TARS3: variants seen among roughly 807,000 people sequenced by gnomAD.
The protein encoded by TARS3 is threonine--tRNA ligase 2, cytoplasmic.
A neutral mutation model predicts 103.5 loss-of-function variants in TARS3; 94 were observed. That is an observed-to-expected ratio of 0.91 (90% confidence interval 0.77 to 1.08). TARS3 has a LOEUF of 1.08. Ranked by LOEUF, TARS3 falls within the 50% of genes least tolerant of loss-of-function variation. TARS3 has a pLI of 0.00. For synonymous variants in TARS3, 416 were observed against 355.4 expected (o/e 1.17, Z -1.92); for missense variants, 952 against 995.2 (o/e 0.96, Z 0.58).
At chr15:101,696,408 C>A (rs1898984096) in intron 10 of TARS3, among the ~76,000 whole-genome samples, 1 of 151,870 alleles carries the variant, frequency 6.6e-6, no homozygotes. Context: ...AATCAATAAC[C>A]CTGGCATGAG....
intron 8 of TARS3, among the ~76,000 whole-genome samples, chr15:101,703,201 G>A (rs1325983606): frequency 6.6e-6 from 1 of 152,156 alleles, no homozygotes; most frequent in African/African-American, 2.4e-5. Context: ...TTTTCTTTAT[G>A]CCGCAATACA....
At chr15:101,715,625 A>G (rs978700728) in intron 3 of TARS3, among the ~76,000 whole-genome samples, 9 of 152,220 alleles carry the variant, frequency 5.9e-5, no homozygotes, top group African/African-American at 2.2e-4. Flanking sequence ...AGCTGCCGAC[A>G]TAATTGTATA....
Position 101,675,465 on chromosome 15 carries a change from C to A in TARS3, c.1788+135G>T, listed in dbSNP as rs181619804. 8.3e-4 allele frequency: 639 copies of A among 773,040 alleles called. 2 individuals carry two copies. In the African/African-American group the frequency reaches 9.8e-3, roughly 12 times the overall value. 47.9% of individuals were successfully genotyped at this position (773,040 alleles called of 1,614,324 possible). ...ATAATGGGATAACCACATTCTACAA[C>A]CTATATATCTATCTCATAATTTCCA... is the stretch of plus-strand genomic sequence containing the variant. On this transcript the variant is annotated intron_variant, in intron 13 of 18. Coordinates refer to ENST00000335968, the MANE Select transcript of TARS3 (RefSeq NM_152334.3).
Position 101,711,831 on chromosome 15 carries a change from C to T in TARS3, c.812+49G>A, listed in dbSNP as rs750101056. On this transcript the variant is annotated intron_variant, in intron 5 of 18. Coordinates refer to ENST00000335968, the MANE Select transcript of TARS3 (RefSeq NM_152334.3). Reference sequence around the variant, plus strand: ...AGGCTAGTATGTAACCATTACAGAACAATACAATTGAAACACATGCATTCA... The same window carrying T: ...AGGCTAGTATGTAACCATTACAGAATAATACAATTGAAACACATGCATTCA... 7 of 1,598,336 alleles carry T rather than the reference C, an allele frequency of 4.4e-6. No individual in the cohort carries two copies. In the Admixed American group the frequency reaches 6.8e-5, roughly 15 times the overall value.
At chr15:101,690,889 A>G (rs1898685720) in intron 10 of TARS3, among the ~76,000 whole-genome samples, 1 of 152,130 alleles carries the variant, frequency 6.6e-6, no homozygotes, top group African/African-American at 2.4e-5. Context: ...CTCTAAGTAT[A>G]TGATAACTGT....
chr15:101,718,515 G>T (rs113595068), intron 3 of TARS3, among the ~76,000 whole-genome samples: 2,263 of 152,260 alleles, frequency 0.015, 47 homozygotes, highest in African/African-American at 0.052. Flanking sequence ...GTTCAGAAAC[G>T]TGGAGCTATG....
At chr15:101,669,085 C>T (rs1230461423) in intron 15 of TARS3, among the ~76,000 whole-genome samples, 2 of 152,112 alleles carry the variant, frequency 1.3e-5, no homozygotes, top group Non-Finnish European at 2.9e-5. Flanking sequence ...CAGCTCCATG[C>T]GTGTACTGCC....
chr15:101,684,080 C>T lies in TARS3; in HGVS notation c.1645G>A (p.Glu549Lys). 3.1e-6 allele frequency: 5 copies of T among 1,612,838 alleles called. No homozygotes were observed. The highest frequency in any genetic ancestry group is 4.2e-6 in the Non-Finnish European group (5 of 1,179,358). Reference protein sequence around the residue: ...QDDAHIFCTVEQIEEEIKGCL... With the variant: ...QDDAHIFCTVKQIEEEIKGCL... ...CACTCTGTGTTATTGTTTACCTGCT[C>T]CACTGTGCAAAAAATGTGAGCATCG... Residue 549 changes from glutamate to lysine, a missense_variant, in exon 12 of 19, where the codon GAG (glutamate) becomes AAG (lysine). By Grantham distance (56) the Glu-to-Lys change is moderately conservative. Around this residue, in one of 2 missense-constraint regions of TARS3, gnomAD observed 540 missense variants for 631.0 expected, o/e 0.86. Transcript: ENST00000335968.
intron 18 of TARS3, among the ~76,000 whole-genome samples, chr15:101,656,283 C>T (rs1353110254): frequency 9.9e-5 from 15 of 152,232 alleles, no homozygotes; most frequent in Admixed American, 9.2e-4. Context: ...ACTCTGGTGT[C>T]AAACATTATC....
At chr15:101,696,468 C>G (rs11247316) in intron 10 of TARS3, among the ~76,000 whole-genome samples, 148,922 of 152,156 alleles carry the variant, frequency 0.98, 72,963 homozygotes, top group Middle Eastern at 1. Context: ...GAACCACCCA[C>G]AGGAGCCTAA....
At chr15:101,661,857 T>G in intron 15 of TARS3, 41 bp from the exon 16 acceptor site, 1 of 1,236,136 alleles carries the variant, frequency 8.1e-7, no homozygotes, top group African/African-American at 1.5e-5. Flanking sequence ...TTTCCTAAGA[T>G]TCAATAACTA....
chr15:101,685,993 C>G lies in TARS3; in HGVS notation c.1390G>C (p.Ala464Pro), dbSNP rs776756278. The change falls in exon 11 of 19, where the codon GCC becomes CCC. Residue 464 changes from alanine (A) to proline (P), a missense_variant. By Grantham distance (27) the Ala-to-Pro change is conservative. This residue lies in a region of TARS3 where 540 missense variants were observed against 631.0 expected (regional missense o/e 0.86). Transcript: ENST00000335968. ...CTGTAATGCTGCCAGTGGCCTGAGG[C>G]TTCCCAGAGTTTACTGTTGTACATA... ...PNMYNSKLWE[A>P]SGHWQHYSEN... 12 of 1,614,062 alleles carry G rather than the reference C, an allele frequency of 7.4e-6. No homozygotes were observed. The East Asian group carries it at 2.7e-4, about 36-fold the overall frequency.
intron 15 of TARS3, among the ~76,000 whole-genome samples, chr15:101,668,185 T>C (rs1408203629): frequency 1.3e-5 from 2 of 152,214 alleles, no homozygotes; most frequent in Admixed American, 1.3e-4. Context: ...ATCTGGGCTT[T>C]CAACAGTCCT....
At chr15:101,716,206 G>A (rs1048564137) in intron 3 of TARS3, among the ~76,000 whole-genome samples, 1 of 151,948 alleles carries the variant, frequency 6.6e-6, no homozygotes. Flanking sequence ...TAGTAGAGAT[G>A]GGGTTTCACC....
In TARS3 at chr15:101,654,282, T is replaced by A. The variant is rs1306360542; in HGVS notation, c.*300A>T. ...GCCCATCTTTTGAAAATCACTAACA[T>A]TTCATAATCATTTCCTAGTGTTTTG... On this transcript the variant is annotated 3_prime_UTR_variant, in exon 19 of 19. Transcript: ENST00000335968. 1 of 263,890 alleles carries A rather than the reference T, an allele frequency of 3.8e-6. No individual in the cohort carries two copies. The highest frequency in any genetic ancestry group is 5.4e-5 in the Admixed American group (1 of 18,682). The allele number at this position is 263,890 out of a possible 1,614,324, so 16.3% of individuals were successfully genotyped here.
At chr15:101,673,181 C>T (rs1461582853) in intron 13 of TARS3, among the ~76,000 whole-genome samples, 1 of 152,162 alleles carries the variant, frequency 6.6e-6, no homozygotes, top group African/African-American at 2.4e-5. Context: ...GGAAGCAGGT[C>T]CATCCAGTCA....
rs538209134 is a variant in TARS3 at position 101,694,530 on chromosome 15, T to A, written c.1320+6556A>T. ...TCCCACAAGCACACCCTCTACTGGC[T>A]GGTGACTAACAGAACCAACTGGAAC... On this transcript the variant is annotated intron_variant, in intron 10 of 18. Transcript: ENST00000335968. Among the ~76,000 whole-genome samples, 3 of 152,140 alleles carry A rather than the reference T, an allele frequency of 2.0e-5. No individual in the cohort carries two copies. In the South Asian group the frequency reaches 6.2e-4, roughly 31 times the overall value.
intron 16 of TARS3, among the ~76,000 whole-genome samples, chr15:101,660,915 A>G (rs898766512): frequency 6.6e-6 from 1 of 152,204 alleles, no homozygotes; most frequent in Non-Finnish European, 1.5e-5. Flanking sequence ...TTTGGTGGCA[A>G]TACCACCTCT....
At chr15:101,702,911 T>C (rs1420681657) in intron 8 of TARS3, among the ~76,000 whole-genome samples, 1 of 152,218 alleles carries the variant, frequency 6.6e-6, no homozygotes, top group Non-Finnish European at 1.5e-5. Flanking sequence ...TAGAGTCTGC[T>C]ATGGATTCTA....
Sources: gnomAD v4.1 joint callset for allele counts (sites outside exome capture counted in the v4.1 genomes callset) on GRCh38, gnomAD v4.1.1 for gene constraint, gnomAD v4.1.1 regional missense constraint, MANE v1.5 for transcripts, NCBI Gene and HGNC (gene_info 2026-07-23, HGNC 2026-07-21) for gene names.